KPNB1: variants seen among roughly 807,000 people sequenced by gnomAD.
KPNB1 encodes the protein importin subunit beta-1.
A neutral mutation model predicts 113.0 loss-of-function variants in KPNB1; 7 were observed. The ratio of observed to expected loss-of-function variants is 0.06; its 90% CI spans 0.04 to 0.12. KPNB1 has a LOEUF of 0.12. Ranked by LOEUF, KPNB1 falls within the 10% of genes least tolerant of loss-of-function variation. The pLI, the probability that KPNB1 is intolerant of heterozygous loss-of-function variation, is 1.00. For synonymous variants in KPNB1, 363 were observed against 378.6 expected, an observed-to-expected ratio of 0.96 and a Z score of 0.48; for missense variants, 400 against 1,054.8, an observed-to-expected ratio of 0.38 and a Z score of 8.60.
At chr17:47,681,686 GTTTTTTTTTTTTTT>G in intron 21 of KPNB1, among the ~76,000 whole-genome samples, 1 of 96,038 alleles carries the variant, frequency 1.0e-5, no homozygotes, top group Non-Finnish European at 1.9e-5. Flanking sequence ...GGAATTATAG[GTTTTTTTTTTTTTT>G]TTTTTTTTTT....
chr17:47,666,429 A>G (rs1006178214), intron 9 of KPNB1, among the ~76,000 whole-genome samples: 3 of 135,376 alleles, frequency 2.2e-5, no homozygotes, highest in African/African-American at 8.1e-5. Flanking sequence ...TGTATTTTAT[A>G]TATATATTAT....
In KPNB1 at chr17:47,684,194, C is replaced by T. The variant is rs1567897684; in HGVS notation, c.*1790C>T. The T allele has an allele frequency of 6.6e-6, 1 of 152,158 alleles. No individual in the cohort carries two copies. Among genetic ancestry groups the T allele is most frequent in the Non-Finnish European group, 1.5e-5 (1 of 68,028 alleles). 9.4% of individuals were successfully genotyped at this position (152,158 alleles called of 1,614,324 possible). A position where few individuals can be genotyped will look rare whatever the true frequency, so the allele number is the denominator to read the frequency against. On this transcript the variant is annotated 3_prime_UTR_variant, in exon 22 of 22. Transcript: ENST00000290158. ...TTCTCCAACTCCTCGTTTATATCCT[C>T]CCTTCCATGTCCAAGCCTTCCATTC...
At chr17:47,655,912 T>C (rs958620783) in intron 3 of KPNB1, among the ~76,000 whole-genome samples, 4 of 152,220 alleles carry the variant, frequency 2.6e-5, no homozygotes, top group Non-Finnish European at 5.9e-5. Context: ...ATGTTGCTAC[T>C]GAGGCTGGTT....
At chr17:47,652,124 A>C (rs1394970904) in intron 2 of KPNB1, among the ~76,000 whole-genome samples, 1 of 152,120 alleles carries the variant, frequency 6.6e-6, no homozygotes, top group East Asian at 1.9e-4. Flanking sequence ...AGTTTGTTTT[A>C]GGCTTATCTG....
chr17:47,683,121 AC>A lies in KPNB1; in HGVS notation c.*718del, dbSNP rs1891576199. On this transcript the variant is annotated 3_prime_UTR_variant, in exon 22 of 22. Coordinates refer to ENST00000290158, the MANE Select transcript of KPNB1 (RefSeq NM_002265.6). ...AAAAAAAAAAAAAAAAAAAAAAAAC[AC>A]ACACACAGAGGAAAGACGCTCTTTA... is the stretch of plus-strand genomic sequence containing the variant. The A allele has an allele frequency of 4.8e-5, 6 of 125,004 alleles. No individual in the cohort carries two copies. Among genetic ancestry groups the A allele is most frequent in the Non-Finnish European group, 8.6e-5 (5 of 58,104 alleles). 7.7% of individuals were successfully genotyped at this position (125,004 alleles called of 1,614,324 possible). A position where few individuals can be genotyped will look rare whatever the true frequency, so the allele number is the denominator to read the frequency against.
chr17:47,652,960 G>C, intron 3 of KPNB1, 84 bp downstream of exon 3: 5 of 1,017,828 alleles, frequency 4.9e-6, no homozygotes, highest in Non-Finnish European at 7.0e-6. Flanking sequence ...GCATGGGATA[G>C]AGCTAACAGT....
At position 47,683,160 on chromosome 17, in the gene KPNB1, T is replaced by G. The variant is rs1413635519; in HGVS notation, c.*756T>G. The G allele has an allele frequency of 9.1e-6, 1 of 109,696 alleles. No individual in the cohort carries two copies. Among genetic ancestry groups the G allele is most frequent in the Non-Finnish European group, 2.0e-5 (1 of 51,102 alleles). The allele number at this position is 109,696 out of a possible 1,614,324, so 6.8% of individuals were successfully genotyped here. On this transcript the variant is annotated 3_prime_UTR_variant, in exon 22 of 22. Coordinates refer to ENST00000290158, the MANE Select transcript of KPNB1 (RefSeq NM_002265.6). ...AAGACGCTCTTTAGGTTTTGTTTTG[T>G]TTTTTTTTTTTGGTTTTGTTTTTTG...
At chr17:47,668,065 G>C (rs1004462768) in intron 9 of KPNB1, 121 bp from the exon 10 acceptor site, 2 of 696,940 alleles carry the variant, frequency 2.9e-6, no homozygotes, top group Non-Finnish European at 4.8e-6. Flanking sequence ...AAATATAAAG[G>C]TCTTATATTT....
chr17:47,680,230 C>T (rs773759693), intron 20 of KPNB1, 96 bp downstream of exon 20: 3 of 923,300 alleles, frequency 3.2e-6, no homozygotes, highest in Non-Finnish European at 5.2e-6. Flanking sequence ...CGGATGGCAA[C>T]AGTTCACTTT....
At chr17:47,673,661 A>G (rs1036258892) in intron 14 of KPNB1, 100 bp downstream of exon 14, 1 of 893,454 alleles carries the variant, frequency 1.1e-6, no homozygotes, top group African/African-American at 1.6e-5. Flanking sequence ...AATGGTATAG[A>G]TGATGCGGAT....
chr17:47,675,377 TTTTTTTTGTTTG>T lies in KPNB1; in HGVS notation c.1912+603_1912+614del, dbSNP rs1420255179. ...AGAGGTGTTGTTTTTTTTTTGTTTT[TTTTTTTTGTTTG>T]TTTTTTTTTTGAGACTTGTTCTGTT... On this transcript the variant is annotated intron_variant, in intron 15 of 21. Coordinates refer to ENST00000290158, the MANE Select transcript of KPNB1 (RefSeq NM_002265.6). 1.2e-3 allele frequency among the ~76,000 whole-genome samples: 136 copies of T among 116,588 alleles called. 23 individuals are homozygous for T. The highest frequency in any genetic ancestry group is 2.6e-3 in the African/African-American group (64 of 24,944). The allele number at this position is 116,588 out of a possible 152,430, so 76.5% of individuals were successfully genotyped here.
chr17:47,678,609 T>C, intron 19 of KPNB1, 196 bp downstream of exon 19: 1 of 561,016 alleles, frequency 1.8e-6, no homozygotes, highest in South Asian at 2.1e-5. Context: ...CTGCTTCTTC[T>C]TTCTTTTTTT....
At chr17:47,650,842 G>T (rs1326745431) in intron 2 of KPNB1, among the ~76,000 whole-genome samples, 7 of 152,164 alleles carry the variant, frequency 4.6e-5, no homozygotes, top group Non-Finnish European at 7.4e-5. Context: ...CGCCCGCCCT[G>T]TCTGACCCCG....
At chr17:47,653,542 G>A (rs1277288596) in intron 3 of KPNB1, among the ~76,000 whole-genome samples, 1 of 152,092 alleles carries the variant, frequency 6.6e-6, no homozygotes, top group Non-Finnish European at 1.5e-5. Flanking sequence ...TCGCCTGGCT[G>A]TTGTTGTTTT....
chr17:47,667,562 G>GTT (rs796857460), intron 9 of KPNB1, among the ~76,000 whole-genome samples: 2 of 142,772 alleles, frequency 1.4e-5, no homozygotes, highest in Admixed American at 7.1e-5. Flanking sequence ...TTAATACTAT[G>GTT]TTTTTTTTTT....
intron 3 of KPNB1, among the ~76,000 whole-genome samples, chr17:47,655,791 T>G (rs1410690006): frequency 6.6e-6 from 1 of 152,174 alleles, no homozygotes; most frequent in Non-Finnish European, 1.5e-5. Context: ...CCTTTGCCAT[T>G]TACTGCTACC....
At chr17:47,669,003 T>C (rs1053705502) in intron 10 of KPNB1, among the ~76,000 whole-genome samples, 1 of 124,056 alleles carries the variant, frequency 8.1e-6, no homozygotes, top group Non-Finnish European at 1.8e-5. Flanking sequence ...TTGAGTTTAG[T>C]GCTTAAAGAA....
intron 9 of KPNB1, among the ~76,000 whole-genome samples, chr17:47,666,306 G>A (rs2143132195): frequency 6.6e-6 from 1 of 151,786 alleles, no homozygotes; most frequent in African/African-American, 2.4e-5. Flanking sequence ...GCCCGCCTCA[G>A]CTTCCCAAAG....
At chr17:47,677,510 G>A (rs1219873934) in intron 17 of KPNB1, among the ~76,000 whole-genome samples, 6 of 151,384 alleles carry the variant, frequency 4.0e-5, no homozygotes, top group Admixed American at 4.0e-4. Context: ...GTGACAGGGA[G>A]CTGTAAGTTT....
Sources: gnomAD v4.1 joint callset for allele counts (sites outside exome capture counted in the v4.1 genomes callset) on GRCh38, gnomAD v4.1.1 for gene constraint, MANE v1.5 for transcripts, NCBI Gene and HGNC (gene_info 2026-07-23, HGNC 2026-07-21) for gene names.